PHF14: variants seen among roughly 807,000 people sequenced by gnomAD.
PHF14 encodes PHD finger protein 14.
PHF14 carries 55 observed loss-of-function variants against 117.9 expected under a neutral mutation model. That is an observed-to-expected ratio of 0.47 (90% confidence interval 0.38 to 0.58). The LOEUF (loss-of-function observed/expected upper bound fraction) is 0.58, where lower values mean the gene tolerates loss of function less well. Ranked by LOEUF, PHF14 falls within the 20% of genes least tolerant of loss-of-function variation. PHF14 has a pLI of 0.00. For synonymous variants in PHF14, 409 were observed against 368.6 expected, an observed-to-expected ratio of 1.11 and a Z score of -1.26; for missense variants, 978 against 1,122.2, an observed-to-expected ratio of 0.87 and a Z score of 1.84.
At chr7:11,110,377 T>TAA (rs1246787904) in intron 16 of PHF14, 1 of 157,476 alleles carries the variant, frequency 6.4e-6, no homozygotes, top group African/African-American at 2.4e-5. Context: ...TAATTTTTTT[T>TAA]AAACTATGAA....
At chr7:11,124,600 T>C (rs1787865161) in intron 17 of PHF14, among the ~76,000 whole-genome samples, 1 of 152,108 alleles carries the variant, frequency 6.6e-6, no homozygotes, top group Non-Finnish European at 1.5e-5. Flanking sequence ...TATTGTTTTT[T>C]TTTATCTCCT....
intron 16 of PHF14, among the ~76,000 whole-genome samples, chr7:11,080,908 A>G (rs895859605): frequency 6.6e-6 from 1 of 152,200 alleles, no homozygotes; most frequent in African/African-American, 2.4e-5. Context: ...AATGAAGATA[A>G]TGTCTAAGAC....
At chr7:11,081,080 T>A (rs1398672720) in intron 16 of PHF14, among the ~76,000 whole-genome samples, 1 of 152,182 alleles carries the variant, frequency 6.6e-6, no homozygotes, top group Admixed American at 6.5e-5. Context: ...TGTGTATTTA[T>A]ATGTATATAT....
At chr7:11,042,630 G>A (rs1784536087) in intron 12 of PHF14, 53 bp from the exon 13 acceptor site, 2 of 1,285,650 alleles carry the variant, frequency 1.6e-6, no homozygotes, top group Non-Finnish European at 2.1e-6. Flanking sequence ...TAAGTAAACT[G>A]TTTCACTATG....
At chr7:11,022,154 G>T (rs1229171239) in intron 5 of PHF14, among the ~76,000 whole-genome samples, 1 of 152,044 alleles carries the variant, frequency 6.6e-6, no homozygotes, top group Non-Finnish European at 1.5e-5. Flanking sequence ...ATTTTTTTCA[G>T]TGTACTGAAA....
chr7:10,997,486 A>G (rs1287574003), intron 4 of PHF14, among the ~76,000 whole-genome samples: 2 of 152,216 alleles, frequency 1.3e-5, no homozygotes, highest in Non-Finnish European at 2.9e-5. Context: ...CCCAAAACAT[A>G]GCAGCTTAAA....
At chr7:11,132,080 C>T (rs1442872290) in intron 17 of PHF14, among the ~76,000 whole-genome samples, 1 of 151,530 alleles carries the variant, frequency 6.6e-6, no homozygotes, top group Non-Finnish European at 1.5e-5. Flanking sequence ...CACATAATTA[C>T]CATTTTTTTG....
intron 2 of PHF14, among the ~76,000 whole-genome samples, chr7:10,975,386 A>G (rs949578977): frequency 6.6e-6 from 1 of 152,184 alleles, no homozygotes; most frequent in African/African-American, 2.4e-5. Flanking sequence ...TTTTACTAGA[A>G]TAAAATTGAC....
intron 17 of PHF14, among the ~76,000 whole-genome samples, chr7:11,140,702 A>G (rs1788375275): frequency 6.6e-6 from 1 of 152,166 alleles, no homozygotes; most frequent in Admixed American, 6.5e-5. Context: ...AGTTGAAATA[A>G]TAGGATTTTA....
intron 4 of PHF14, among the ~76,000 whole-genome samples, chr7:11,013,142 A>G (rs1032188181): frequency 6.6e-6 from 1 of 151,976 alleles, no homozygotes; most frequent in Admixed American, 6.6e-5. Flanking sequence ...TTTAATGACA[A>G]CTTGTATTTT....
At chr7:11,152,279 TTA>T (rs947185199) in intron 17 of PHF14, among the ~76,000 whole-genome samples, 7 of 152,184 alleles carry the variant, frequency 4.6e-5, no homozygotes, top group African/African-American at 1.7e-4. Context: ...GGAATACTTT[TTA>T]TAGTCAGAGC....
chr7:11,077,811 C>T (rs991347895), intron 16 of PHF14, among the ~76,000 whole-genome samples: 1 of 152,072 alleles, frequency 6.6e-6, no homozygotes, highest in African/African-American at 2.4e-5. Context: ...CAAAGAATTG[C>T]AGTCACTTGA....
chr7:11,107,384 G>A (rs560483937), intron 16 of PHF14: 10 of 860,102 alleles, frequency 1.2e-5, no homozygotes, highest in Non-Finnish European at 1.4e-5. Flanking sequence ...TTGTTAATGG[G>A]TAAAAGACCA....
At chr7:11,058,923 A>G (rs1785109579) in intron 14 of PHF14, among the ~76,000 whole-genome samples, 1 of 151,304 alleles carries the variant, frequency 6.6e-6, no homozygotes. Context: ...ATATTATTTT[A>G]TATTTTTATA....
At chr7:11,067,319 G>A (rs1785457956) in intron 16 of PHF14, among the ~76,000 whole-genome samples, 1 of 152,114 alleles carries the variant, frequency 6.6e-6, no homozygotes, top group Admixed American at 6.6e-5. Flanking sequence ...GAAAATAACA[G>A]GTGTTGGCAA....
At position 11,163,492 on chromosome 7, in the gene PHF14, CTG is replaced by C. The variant is rs1010111843; in HGVS notation, c.2773-5923_2773-5922del. Among the ~76,000 whole-genome samples, 104 of 152,212 alleles carry C rather than the reference CTG, an allele frequency of 6.8e-4. 1 individual carries two copies. The highest frequency in any genetic ancestry group is 2.4e-3 in the African/African-American group (101 of 41,544). On this transcript the variant is annotated intron_variant, in intron 17 of 17. Coordinates refer to ENST00000634607, the MANE Select transcript of PHF14 (RefSeq NM_001007157.2). ...ATTGCTCATTCAATGCATTGGAAAA[CTG>C]AATGCAGAAGTATAGAAAAATAAAA...
chr7:11,104,579 A>T (rs1787195569), intron 16 of PHF14: 3 of 983,782 alleles, frequency 3.0e-6, no homozygotes. Flanking sequence ...CAGTAGGGAA[A>T]GGAAGAAACA....
chr7:11,123,545 G>A (rs1373895703), intron 17 of PHF14, among the ~76,000 whole-genome samples: 2 of 152,106 alleles, frequency 1.3e-5, no homozygotes, highest in African/African-American at 2.4e-5. Context: ...GCTTTGGGAG[G>A]CCGAGACAGG....
chr7:11,111,232 A>G (rs1309160134), intron 16 of PHF14, 118 bp from the exon 17 acceptor site: 3 of 458,922 alleles, frequency 6.5e-6, no homozygotes, highest in Non-Finnish European at 1.2e-5. Context: ...TGAGCCAAGG[A>G]TAAAATTAAC....
Sources: gnomAD v4.1 joint callset for allele counts (sites outside exome capture counted in the v4.1 genomes callset) on GRCh38, gnomAD v4.1.1 for gene constraint, MANE v1.5 for transcripts, NCBI Gene and HGNC (gene_info 2026-07-23, HGNC 2026-07-21) for gene names.